The following CNTN1 variants were observed in gnomAD, a reference collection of about 807,000 sequenced individuals.
The protein encoded by CNTN1 is contactin 1, also known as contactin-1.
Under a neutral mutation model 126.4 loss-of-function variants are expected in CNTN1, and 38 were observed. The observed-to-expected ratio is 0.30, with a 90% confidence interval of 0.23 to 0.39. The LOEUF is 0.39. CNTN1 is among the 10% of genes least tolerant of loss of function. The pLI is 1.00. For synonymous variants in CNTN1, 413 were observed against 422.6 expected, an observed-to-expected ratio of 0.98 and a Z score of 0.28; for missense variants, 1,009 against 1,248.4, an observed-to-expected ratio of 0.81 and a Z score of 2.89.
chr12:40,969,203 G>A (rs1292356781), intron 15 of CNTN1, among the ~76,000 whole-genome samples: 1 of 152,056 alleles, frequency 6.6e-6, no homozygotes, highest in Non-Finnish European at 1.5e-5. Flanking sequence ...TCTTGAGGGA[G>A]CCTTTTGTGG....
chr12:40,711,917 G>T (rs1565632211), intron 1 of CNTN1, among the ~76,000 whole-genome samples: 1 of 152,008 alleles, frequency 6.6e-6, no homozygotes, highest in Non-Finnish European at 1.5e-5. Flanking sequence ...TGCTATGTTT[G>T]CTATGTTTTC....
intron 6 of CNTN1, among the ~76,000 whole-genome samples, chr12:40,928,064 T>C (rs1158218527): frequency 6.6e-6 from 1 of 152,108 alleles, no homozygotes; most frequent in Admixed American, 6.6e-5. Context: ...TTACTCTAAA[T>C]GCATTTTGTG....
intron 1 of CNTN1, among the ~76,000 whole-genome samples, chr12:40,899,072 A>G (rs1015390866): frequency 2.0e-5 from 3 of 152,184 alleles, no homozygotes; most frequent in African/African-American, 7.2e-5. Context: ...CTCTCAGGGT[A>G]CATTGAGTGA....
intron 1 of CNTN1, among the ~76,000 whole-genome samples, chr12:40,825,359 TAGTC>T (rs1198462780): frequency 6.6e-6 from 1 of 152,162 alleles, no homozygotes; most frequent in East Asian, 1.9e-4. Flanking sequence ...CAAATGACAG[TAGTC>T]AGTTAGACAT....
At chr12:40,749,000 T>G (rs1195141483) in intron 1 of CNTN1, among the ~76,000 whole-genome samples, 1 of 152,116 alleles carries the variant, frequency 6.6e-6, no homozygotes, top group Non-Finnish European at 1.5e-5. Context: ...TTACCTGGTT[T>G]TATACCACAG....
At chr12:40,793,465 G>C (rs902578898) in intron 1 of CNTN1, among the ~76,000 whole-genome samples, 2 of 145,560 alleles carry the variant, frequency 1.4e-5, no homozygotes, top group African/African-American at 5.0e-5. Context: ...TACTTGTGGG[G>C]AAAAAAAAAA....
chr12:40,701,883 C>T (rs994045529), intron 1 of CNTN1, among the ~76,000 whole-genome samples: 1 of 152,092 alleles, frequency 6.6e-6, no homozygotes, highest in African/African-American at 2.4e-5. Context: ...ACATTTGGCC[C>T]AATGAGCTAT....
intron 1 of CNTN1, among the ~76,000 whole-genome samples, chr12:40,793,784 G>T (rs902503836): frequency 6.6e-6 from 1 of 151,918 alleles, no homozygotes; most frequent in Non-Finnish European, 1.5e-5. Flanking sequence ...CTTCAGGGAG[G>T]TTATTCTAGT....
At chr12:40,996,333 A>T (rs1321955254) in intron 17 of CNTN1, among the ~76,000 whole-genome samples, 2 of 152,120 alleles carry the variant, frequency 1.3e-5, no homozygotes, top group East Asian at 3.9e-4. Context: ...GGGTTTCTCC[A>T]TGTTGCCCAG....
chr12:41,010,905 A>T (rs1948635372), intron 17 of CNTN1, among the ~76,000 whole-genome samples: 1 of 151,860 alleles, frequency 6.6e-6, no homozygotes, highest in South Asian at 2.1e-4. Context: ...CCTATCGGGA[A>T]TGGTGTTTCC....
chr12:40,954,257 A>G (rs2136990195), intron 14 of CNTN1, among the ~76,000 whole-genome samples: 1 of 152,220 alleles, frequency 6.6e-6, no homozygotes, highest in Admixed American at 6.5e-5. Flanking sequence ...CATTTATATT[A>G]TTGAATATTT....
intron 23 of CNTN1, among the ~76,000 whole-genome samples, chr12:41,054,719 C>T (rs547637887): frequency 3.3e-5 from 5 of 152,144 alleles, no homozygotes; most frequent in African/African-American, 1.2e-4. Context: ...ATTTAAAGAA[C>T]TCATTCTCTA....
intron 1 of CNTN1, among the ~76,000 whole-genome samples, chr12:40,758,671 C>T (rs1938708441): frequency 6.6e-6 from 1 of 152,072 alleles, no homozygotes; most frequent in Non-Finnish European, 1.5e-5. Flanking sequence ...GCTACACATA[C>T]ATAATCCAGT....
chr12:41,067,511 A>G (rs182201), intron 23 of CNTN1, among the ~76,000 whole-genome samples: 92,873 of 150,938 alleles, frequency 0.62, 30,057 homozygotes, highest in African/African-American at 0.83. Context: ...AATTCCTATC[A>G]CAAGAACAAA....
chr12:40,808,530 T>C (rs940213129), intron 1 of CNTN1, among the ~76,000 whole-genome samples: 1 of 151,842 alleles, frequency 6.6e-6, no homozygotes, highest in Non-Finnish European at 1.5e-5. Flanking sequence ...TATTAAAATG[T>C]ATAGGAATGA....
At chr12:41,010,447 A>C (rs904399291) in intron 17 of CNTN1, among the ~76,000 whole-genome samples, 2 of 152,308 alleles carry the variant, frequency 1.3e-5, no homozygotes, top group Admixed American at 1.3e-4. Context: ...TTTGCAGAGC[A>C]GCTATTAGTG....
At chr12:41,030,544 CATAT>C (rs1330688185) in intron 23 of CNTN1, among the ~76,000 whole-genome samples, 1 of 152,048 alleles carries the variant, frequency 6.6e-6, no homozygotes. Context: ...ACTCTGTATA[CATAT>C]ATAATTTCAT....
chr12:40,832,005 T>C (rs1162925930), intron 1 of CNTN1, among the ~76,000 whole-genome samples: 1 of 152,202 alleles, frequency 6.6e-6, no homozygotes, highest in East Asian at 1.9e-4. Flanking sequence ...ATTAATAGTA[T>C]ATATTTTAAT....
intron 4 of CNTN1, among the ~76,000 whole-genome samples, chr12:40,921,781 T>C (rs993942160): frequency 6.6e-6 from 1 of 152,220 alleles, no homozygotes. Context: ...ATGTCACTTA[T>C]TGAGCAGAAC....
Sources: gnomAD v4.1 joint callset for allele counts (sites outside exome capture counted in the v4.1 genomes callset) on GRCh38, gnomAD v4.1.1 for gene constraint, MANE v1.5 for transcripts, NCBI Gene and HGNC (gene_info 2026-07-23, HGNC 2026-07-21) for gene names.